The following MRPS5 variants were observed in gnomAD, a reference collection of about 807,000 sequenced individuals.
MRPS5 encodes mitochondrial ribosomal protein S5, also known as small ribosomal subunit protein uS5m.
MRPS5 carries 27 observed loss-of-function variants against 51.9 expected under a neutral mutation model. The observed-to-expected ratio is 0.52, with a 90% CI of 0.38 to 0.72. The LOEUF is 0.72. Among genes scored for constraint, MRPS5 ranks in the 30% least tolerant of loss-of-function variants. MRPS5 has a pLI of 0.00. For synonymous variants in MRPS5, 196 were observed against 193.2 expected (o/e 1.01, Z -0.12); for missense variants, 570 against 545.7 (o/e 1.04, Z -0.44).
chr2:95,097,847 T>C (rs1485552516), intron 10 of MRPS5, among the ~76,000 whole-genome samples: 4 of 152,032 alleles, frequency 2.6e-5, no homozygotes, highest in Non-Finnish European at 5.9e-5. Context: ...AATTGACAAA[T>C]GGGATCTAAT....
In MRPS5 at chr2:95,108,222, G is replaced by C; in HGVS notation, c.590C>G (p.Ser197Ter). 6.2e-7 allele frequency: 1 copy of C among 1,614,144 alleles called. No individual in the cohort carries two copies. The highest frequency in any genetic ancestry group is 8.5e-7 in the Non-Finnish European group (1 of 1,180,030). ...GGGGCCAAGACTGATGCCTCCCCAT[G>C]AGTTTCCACTCCATCCTCGCTCCCG... The part of the protein sequence containing the change: ...VKRERGWSGN[S>*]WGGISLGPPD... The change falls in exon 5 of 12, where the codon TCA (serine) becomes TGA (stop). Residue 197 changes from serine to a stop codon, truncating the protein, a stop_gained. Coordinates refer to ENST00000272418, the MANE Select transcript of MRPS5 (RefSeq NM_031902.5). LOFTEE classifies it high-confidence loss of function.
chr2:95,117,012 A>G (rs1271595787), intron 2 of MRPS5, among the ~76,000 whole-genome samples: 2 of 152,160 alleles, frequency 1.3e-5, no homozygotes, highest in African/African-American at 4.8e-5. Flanking sequence ...GTAGTGGCAC[A>G]TGCCTGTAGT....
exon 1 of MRPS5, chr2:95,121,803 AGCCGCGCCTCGGCCTCCGCCCAGGGCAG>A (rs1558690345): frequency 2.6e-6 from 4 of 1,538,772 alleles, no homozygotes; most frequent in Admixed American, 7.7e-5. Context: ...CTGGAGTCCG[AGCCGCGCCTCGGCCTCCGCCCAGGGCAG>A]CCTTGCCCAC....
intron 4 of MRPS5, among the ~76,000 whole-genome samples, chr2:95,109,460 A>T (rs1461200258): frequency 6.6e-6 from 1 of 152,344 alleles, no homozygotes. Context: ...TGTTTTTGTA[A>T]ATGAAATTGT....
intron 5 of MRPS5, among the ~76,000 whole-genome samples, chr2:95,107,863 C>G (rs1039766023): frequency 4.6e-5 from 7 of 152,138 alleles, no homozygotes; most frequent in African/African-American, 1.4e-4. Flanking sequence ...GTCCCTGTGG[C>G]CACCTGTGTT....
chr2:95,119,936 A>T (rs983678138), intron 1 of MRPS5, among the ~76,000 whole-genome samples: 2 of 152,116 alleles, frequency 1.3e-5, no homozygotes, highest in Non-Finnish European at 2.9e-5. Context: ...GGTGGCATGC[A>T]CCTGTAATCC....
intron 1 of MRPS5, among the ~76,000 whole-genome samples, chr2:95,120,378 T>C (rs1676406002): frequency 6.6e-6 from 1 of 152,214 alleles, no homozygotes; most frequent in Admixed American, 6.5e-5. Context: ...TTATATGTAA[T>C]GTCCAGAACA....
intron 7 of MRPS5, among the ~76,000 whole-genome samples, chr2:95,103,559 C>T (rs903499449): frequency 6.6e-6 from 1 of 152,178 alleles, no homozygotes; most frequent in Non-Finnish European, 1.5e-5. Context: ...AACCTTGGGG[C>T]AGCAATTTTA....
chr2:95,109,381 T>C (rs1676048606), intron 4 of MRPS5, among the ~76,000 whole-genome samples: 1 of 152,166 alleles, frequency 6.6e-6, no homozygotes, highest in African/African-American at 2.4e-5. Flanking sequence ...TCCAAAAGCA[T>C]GAGTATAAAC....
At chr2:95,120,292 A>T (rs139128028) in intron 1 of MRPS5, among the ~76,000 whole-genome samples, 2 of 152,376 alleles carry the variant, frequency 1.3e-5, no homozygotes, top group African/African-American at 4.8e-5. Flanking sequence ...GGTACATGCT[A>T]CAAGGATGAA....
chr2:95,119,022 T>A (rs1209870291), intron 1 of MRPS5, among the ~76,000 whole-genome samples: 1 of 152,060 alleles, frequency 6.6e-6, no homozygotes, highest in Non-Finnish European at 1.5e-5. Flanking sequence ...AATTTAAAAC[T>A]TGTGGCTTCA....
chr2:95,109,727 C>T (rs1676059774), intron 4 of MRPS5, among the ~76,000 whole-genome samples, 189 bp downstream of exon 4: 1 of 152,146 alleles, frequency 6.6e-6, no homozygotes, highest in African/African-American at 2.4e-5. Flanking sequence ...ATGAATAAAT[C>T]CATTTCTATG....
chr2:95,118,408 C>T (rs1418393130), intron 1 of MRPS5, among the ~76,000 whole-genome samples: 2 of 152,264 alleles, frequency 1.3e-5, no homozygotes, highest in African/African-American at 2.4e-5. Flanking sequence ...GCATGGCCTA[C>T]AGGCCTGCCA....
intron 3 of MRPS5, among the ~76,000 whole-genome samples, chr2:95,111,337 T>C (rs897849349): frequency 6.6e-6 from 1 of 152,236 alleles, no homozygotes; most frequent in Non-Finnish European, 1.5e-5. Context: ...ATAAATGCCA[T>C]GGAAAACTTG....
intron 5 of MRPS5, among the ~76,000 whole-genome samples, chr2:95,107,962 C>T (rs1675999246): frequency 6.6e-6 from 1 of 152,136 alleles, no homozygotes; most frequent in African/African-American, 2.4e-5. Context: ...ATGATAAATA[C>T]CAGGAACCCA....
chr2:95,120,153 A>C (rs890930043), intron 1 of MRPS5, among the ~76,000 whole-genome samples: 7 of 152,254 alleles, frequency 4.6e-5, no homozygotes, highest in African/African-American at 1.7e-4. Flanking sequence ...AAAACATTGC[A>C]CACAAATGTT....
Position 95,118,028 on chromosome 2 carries a change from T to C in MRPS5, c.59-83A>G, listed in dbSNP as rs1460640314. On this transcript the variant is annotated intron_variant, in intron 1 of 11. Coordinates refer to ENST00000272418, the MANE Select transcript of MRPS5 (RefSeq NM_031902.5). ...AACAGTAACACCCACAAAATATATC[T>C]ATAGAATAAAGAACCAAGACGAGGG... 3 of 1,038,288 alleles carry C rather than the reference T, an allele frequency of 2.9e-6. No homozygotes were observed. In the African/African-American group the frequency reaches 4.9e-5, roughly 17 times the overall value. The allele number at this position is 1,038,288 out of a possible 1,614,324, so 64.3% of individuals were successfully genotyped here.
At position 95,104,634 on chromosome 2, in the gene MRPS5, A is replaced by G. The variant is rs1395641212; in HGVS notation, c.763+6T>C. ...CGCCACTGTGATGCCATCACTCCCCATTCACCTGCAGCTCCTTTTCCGTTC... is the reference window on the plus strand; with the variant it reads ...CGCCACTGTGATGCCATCACTCCCCGTTCACCTGCAGCTCCTTTTCCGTTC... On this transcript the variant is annotated splice_donor_region_variant and intron_variant, in intron 7 of 11. Coordinates refer to ENST00000272418, the MANE Select transcript of MRPS5 (RefSeq NM_031902.5). 1.2e-6 allele frequency: 2 copies of G among 1,613,742 alleles called. No homozygotes were observed. The highest frequency in any genetic ancestry group is 1.7e-6 in the Non-Finnish European group (2 of 1,179,824).
Position 95,121,742 on chromosome 2 carries a change from C to G in MRPS5, c.50G>C (p.Gly17Ala), listed in dbSNP as rs1198177863. 1 of 1,550,216 alleles carries G rather than the reference C, an allele frequency of 6.5e-7. No homozygotes were observed. ...GGCGTCCCAGCTCTCACCTGCCGTC[C>G]CGCTACACAGCACGGGGAGGCAGCC... ...AVGCLPVLCS[G>A]TAGHLLGRQC... The change falls in exon 1 of 12, where the codon GGG becomes GCG. Residue 17 changes from glycine to alanine, a missense_variant. Gly to Ala is a moderately conservative substitution (Grantham distance 60). Transcript: ENST00000272418.
Sources: gnomAD v4.1 joint callset for allele counts (sites outside exome capture counted in the v4.1 genomes callset) on GRCh38, gnomAD v4.1.1 for gene constraint, MANE v1.5 for transcripts, NCBI Gene and HGNC (gene_info 2026-07-23, HGNC 2026-07-21) for gene names.